The following KIAA1217 variants were observed in gnomAD, a reference collection of about 807,000 sequenced individuals.
KIAA1217 encodes KIAA1217, also known as sickle tail protein homolog.
A neutral mutation model predicts 163.9 loss-of-function variants in KIAA1217; 88 were observed. That is an observed-to-expected ratio of 0.54 (90% CI 0.45 to 0.64). KIAA1217 has a LOEUF of 0.64. Ranked by LOEUF, KIAA1217 falls within the 30% of genes least tolerant of loss-of-function variation. The pLI is 0.00. For missense variants in KIAA1217, 2,372 were observed against 2,475.0 expected (o/e 0.96, Z 0.88); for synonymous variants, 903 against 923.1 (o/e 0.98, Z 0.39).
intron 1 of KIAA1217, among the ~76,000 whole-genome samples, chr10:23,889,965 T>C (rs1375914613): frequency 1.3e-5 from 2 of 151,822 alleles, no homozygotes; most frequent in African/African-American, 2.4e-5. Flanking sequence ...AGGTTAACCC[T>C]GGCCTCAGAA....
intron 2 of KIAA1217, among the ~76,000 whole-genome samples, chr10:24,190,092 G>A (rs1474640626): frequency 2.0e-5 from 3 of 151,868 alleles, no homozygotes; most frequent in African/African-American, 7.3e-5. Context: ...TAAACTGAGG[G>A]GGAGCTTAGC....
chr10:24,409,928 T>C (rs998846876), intron 3 of KIAA1217, among the ~76,000 whole-genome samples: 1 of 152,088 alleles, frequency 6.6e-6, no homozygotes, highest in Non-Finnish European at 1.5e-5. Flanking sequence ...ATTAATTTCT[T>C]CCTTTTTATG....
At chr10:24,399,133 G>T (rs1467656979) in intron 3 of KIAA1217, among the ~76,000 whole-genome samples, 1 of 152,144 alleles carries the variant, frequency 6.6e-6, no homozygotes, top group African/African-American at 2.4e-5. Flanking sequence ...GTTGTACATA[G>T]CCAGTGAGAT....
In KIAA1217 at chr10:24,094,353, T is replaced by G. The variant is rs374864022; in HGVS notation, c.-171+86979T>G. ...ATTTCTGCTCTGTTTTTTCCCCATC[T>G]TTGTGGTTTTATCTACTTTTGGTCT... On this transcript the variant is annotated intron_variant, in intron 2 of 18. Coordinates refer to the KIAA1217 transcript ENST00000376462. Among the ~76,000 whole-genome samples, 256 of 152,310 alleles carry G rather than the reference T, an allele frequency of 1.7e-3. 1 individual carries two copies. Among genetic ancestry groups the G allele is most frequent in the African/African-American group, 6.0e-3 (248 of 41,560 alleles).
chr10:24,481,433 T>C (rs1333399033), intron 6 of KIAA1217: 2 of 152,144 alleles, frequency 1.3e-5, no homozygotes, highest in Non-Finnish European at 2.9e-5. Flanking sequence ...AATGTCTCCT[T>C]GTGAGTCAGA....
At chr10:24,174,283 C>A (rs1003279964) in intron 2 of KIAA1217, among the ~76,000 whole-genome samples, 2 of 152,232 alleles carry the variant, frequency 1.3e-5, no homozygotes, top group Non-Finnish European at 2.9e-5. Context: ...TGCTGCCTTG[C>A]CACCTGGGCA....
intron 1 of KIAA1217, among the ~76,000 whole-genome samples, chr10:23,888,014 G>A (rs1841256387): frequency 6.6e-6 from 1 of 151,828 alleles, no homozygotes. Flanking sequence ...TGGCAAGATG[G>A]TTCTCTGTAA....
At chr10:24,092,064 C>T (rs1363513989) in intron 2 of KIAA1217, among the ~76,000 whole-genome samples, 1 of 151,690 alleles carries the variant, frequency 6.6e-6, no homozygotes, top group African/African-American at 2.4e-5. Context: ...CCTTCCTCCC[C>T]AACGTCCTTC....
intron 2 of KIAA1217, among the ~76,000 whole-genome samples, chr10:24,155,291 A>G (rs2064823742): frequency 6.6e-6 from 1 of 151,924 alleles, no homozygotes; most frequent in South Asian, 2.1e-4. Context: ...GTTATCTGAA[A>G]CTCTCTGAGT....
chr10:24,236,746 G>A (rs2072326767), intron 2 of KIAA1217, among the ~76,000 whole-genome samples: 1 of 151,584 alleles, frequency 6.6e-6, no homozygotes, highest in Admixed American at 6.6e-5. Context: ...CAACCTTCTG[G>A]GCTCAGGCGT....
chr10:23,924,873 T>C (rs1212003070), intron 1 of KIAA1217, among the ~76,000 whole-genome samples: 1 of 137,152 alleles, frequency 7.3e-6, no homozygotes, highest in Non-Finnish European at 1.5e-5. Context: ...TGGCGTTAGC[T>C]GTTATGGAAA....
chr10:24,543,209 T>C lies in KIAA1217; in HGVS notation c.3939T>C (p.Asn1313=). 2 of 1,611,776 alleles carry C rather than the reference T, an allele frequency of 1.2e-6. No individual in the cohort carries two copies. Among genetic ancestry groups the C allele is most frequent in the African/African-American group, 1.3e-5 (1 of 74,194 alleles). Residue 1313 remains asparagine (N), a synonymous_variant, in exon 19 of 21, where the codon AAT becomes AAC. Coordinates refer to ENST00000376454, the MANE Select transcript of KIAA1217 (RefSeq NM_019590.5). ...YGKTKEMEKQ[N]TDKCHVSSHT... is the part of the protein sequence containing the mutation. ...AGACAAAGGAGATGGAAAAGCAAAA[T>C]ACGGATAAGTGTCACGTTTCCTCTC...
At chr10:23,772,255 T>C (rs113110249) in intron 1 of KIAA1217, among the ~76,000 whole-genome samples, 2 of 152,214 alleles carry the variant, frequency 1.3e-5, no homozygotes, top group African/African-American at 2.4e-5. Flanking sequence ...CCTTGGTTAG[T>C]ACAACATGAA....
At chr10:23,928,856 T>C (rs1478322886) in intron 1 of KIAA1217, among the ~76,000 whole-genome samples, 1 of 152,246 alleles carries the variant, frequency 6.6e-6, no homozygotes, top group African/African-American at 2.4e-5. Flanking sequence ...GGCAAGGTGA[T>C]AGCCACTCTG....
At chr10:24,148,151 C>G (rs1439713418) in intron 2 of KIAA1217, among the ~76,000 whole-genome samples, 1 of 151,310 alleles carries the variant, frequency 6.6e-6, no homozygotes, top group Admixed American at 6.6e-5. Context: ...ACTTTTTTTT[C>G]TTGGTTTTAA....
chr10:24,306,782 G>A (rs2042049043), intron 2 of KIAA1217, among the ~76,000 whole-genome samples: 1 of 152,190 alleles, frequency 6.6e-6, no homozygotes, highest in South Asian at 2.1e-4. Flanking sequence ...TTCTTCAAAG[G>A]GACATCGTGT....
intron 1 of KIAA1217, among the ~76,000 whole-genome samples, chr10:23,795,676 T>C (rs1419324581): frequency 6.6e-6 from 1 of 152,116 alleles, no homozygotes; most frequent in Non-Finnish European, 1.5e-5. Flanking sequence ...AGAAGGAAGT[T>C]CTCAGGTTTG....
intron 3 of KIAA1217, among the ~76,000 whole-genome samples, chr10:24,421,413 A>G (rs1179498420): frequency 1.3e-5 from 2 of 152,254 alleles, no homozygotes; most frequent in Admixed American, 6.5e-5. Flanking sequence ...TTGAATAGTT[A>G]TAATAGTGTA....
intron 2 of KIAA1217, among the ~76,000 whole-genome samples, chr10:24,113,835 G>A (rs138267898): frequency 2.0e-5 from 3 of 152,274 alleles, no homozygotes; most frequent in Admixed American, 6.5e-5. Context: ...TAGCAGAACC[G>A]TTAGCAGAAC....
Sources: gnomAD v4.1 joint callset for allele counts (sites outside exome capture counted in the v4.1 genomes callset) on GRCh38, gnomAD v4.1.1 for gene constraint, MANE v1.5 for transcripts, NCBI Gene and HGNC (gene_info 2026-07-23, HGNC 2026-07-21) for gene names.